GSK3B: variants seen among roughly 807,000 people sequenced by gnomAD.
GSK3B encodes the protein glycogen synthase kinase-3 beta.
A neutral mutation model predicts 56.4 loss-of-function variants in GSK3B; 15 were observed. That is an observed-to-expected ratio of 0.27 (90% CI 0.18 to 0.41). GSK3B has a LOEUF of 0.41. GSK3B is among the 10% of genes least tolerant of loss of function. The pLI is 1.00. For synonymous variants in GSK3B, 181 were observed against 188.9 expected (o/e 0.96, Z 0.34); for missense variants, 300 against 513.4 (o/e 0.58, Z 4.02).
At chr3:119,845,232 A>G (rs2055839067) in intron 9 of GSK3B, among the ~76,000 whole-genome samples, 1 of 152,250 alleles carries the variant, frequency 6.6e-6, no homozygotes, top group Non-Finnish European at 1.5e-5. Context: ...CAAAAGCTGG[A>G]AGCATTCGCT....
chr3:119,961,457 G>A (rs537488186), intron 2 of GSK3B, among the ~76,000 whole-genome samples: 11 of 151,910 alleles, frequency 7.2e-5, no homozygotes, highest in Admixed American at 2.6e-4. Context: ...GTGAAACTCC[G>A]TCTCTACTAA....
At chr3:120,013,028 A>T (rs1274163096) in intron 1 of GSK3B, among the ~76,000 whole-genome samples, 1 of 152,128 alleles carries the variant, frequency 6.6e-6, no homozygotes, top group Non-Finnish European at 1.5e-5. Context: ...GTTTAGGCAT[A>T]TCCCAAAATA....
At chr3:119,929,596 C>T (rs1468254933) in intron 3 of GSK3B, among the ~76,000 whole-genome samples, 1 of 150,900 alleles carries the variant, frequency 6.6e-6, no homozygotes, top group Non-Finnish European at 1.5e-5. Context: ...AGGGAGGCAC[C>T]ATTTCTACAA....
chr3:119,920,779 C>T (rs1576200289), intron 4 of GSK3B, among the ~76,000 whole-genome samples: 1 of 152,066 alleles, frequency 6.6e-6, no homozygotes, highest in South Asian at 2.1e-4. Flanking sequence ...AAGATTATTA[C>T]AGTTAAGTAA....
Position 119,826,846 on chromosome 3 carries a change from G to A in GSK3B, c.1205C>T (p.Thr402Ile), listed in dbSNP as rs1559797928. 6.2e-7 allele frequency: 1 copy of A among 1,608,086 alleles called. No homozygotes were observed. Among genetic ancestry groups the A allele is most frequent in the Non-Finnish European group, 8.5e-7 (1 of 1,174,796 alleles). Residue 402 changes from threonine (T) to isoleucine (I), a missense_variant, in exon 11 of 11, where the codon ACT becomes ATT. Coordinates refer to ENST00000264235, the MANE Select transcript of GSK3B (RefSeq NM_001146156.2). ...ATTATTGGTCTGTCCACGGTCTCCAGTATTAGCATCTGCAAGTCAAAAAGT... is the reference window on the plus strand; with the variant it reads ...ATTATTGGTCTGTCCACGGTCTCCAATATTAGCATCTGCAAGTCAAAAAGT... The part of the protein sequence containing the change: ...TNATAASDAN[T>I]GDRGQTNNAA...
At chr3:119,982,407 A>C (rs2057472282) in intron 2 of GSK3B, among the ~76,000 whole-genome samples, 1 of 152,232 alleles carries the variant, frequency 6.6e-6, no homozygotes, top group South Asian at 2.1e-4. Flanking sequence ...CGGTAATAAC[A>C]GACTTCTCCG....
intron 5 of GSK3B, among the ~76,000 whole-genome samples, chr3:119,913,660 C>CA (rs199773113): frequency 0.073 from 10,264 of 141,304 alleles, 545 homozygotes; most frequent in African/African-American, 0.16. Context: ...CAGTAAGTGC[C>CA]AAAAAAAAAA....
chr3:120,061,223 AT>A (rs1421605575), intron 1 of GSK3B, among the ~76,000 whole-genome samples: 5 of 152,266 alleles, frequency 3.3e-5, no homozygotes, highest in Non-Finnish European at 7.3e-5. Context: ...ATTTTATAAA[AT>A]CAGAGGACAT....
chr3:119,940,223 T>C (rs1252162931), intron 3 of GSK3B, among the ~76,000 whole-genome samples: 2 of 151,762 alleles, frequency 1.3e-5, no homozygotes, highest in Non-Finnish European at 2.9e-5. Flanking sequence ...TTACCCTCAT[T>C]TTAGCGATAA....
chr3:120,049,444 CAGA>C, intron 1 of GSK3B, among the ~76,000 whole-genome samples: 1 of 152,244 alleles, frequency 6.6e-6, no homozygotes, highest in East Asian at 1.9e-4. Context: ...TCTGGAATGT[CAGA>C]AGACTTCCTG....
At chr3:119,922,204 A>AGGAAGGAAGGAG (rs2056847586) in intron 4 of GSK3B, among the ~76,000 whole-genome samples, 1 of 121,056 alleles carries the variant, frequency 8.3e-6, no homozygotes, top group African/African-American at 3.4e-5. Flanking sequence ...TAGGTAGGGA[A>AGGAAGGAAGGAG]GGAGGGAAGG....
At chr3:120,012,527 C>T (rs943267075) in intron 1 of GSK3B, among the ~76,000 whole-genome samples, 2 of 152,144 alleles carry the variant, frequency 1.3e-5, no homozygotes, top group Non-Finnish European at 2.9e-5. Flanking sequence ...GTACAAATTC[C>T]CTACATAATT....
intron 10 of GSK3B, among the ~76,000 whole-genome samples, chr3:119,838,376 C>T (rs2055724934): frequency 6.6e-6 from 1 of 152,060 alleles, no homozygotes. Flanking sequence ...CCATGATTAA[C>T]AATAATGTCT....
intron 2 of GSK3B, among the ~76,000 whole-genome samples, chr3:119,973,608 A>G (rs2057386921): frequency 6.6e-6 from 1 of 152,152 alleles, no homozygotes; most frequent in Non-Finnish European, 1.5e-5. Context: ...ACATCATCAC[A>G]AGAAGAAGGG....
At chr3:120,067,250 A>G (rs1318086110) in intron 1 of GSK3B, among the ~76,000 whole-genome samples, 1 of 152,056 alleles carries the variant, frequency 6.6e-6, no homozygotes, top group East Asian at 1.9e-4. Context: ...AAAAAAAAAA[A>G]AAGAGAGGTA....
intron 2 of GSK3B, among the ~76,000 whole-genome samples, chr3:119,966,720 T>TA (rs1406262153): frequency 6.6e-6 from 1 of 152,204 alleles, no homozygotes; most frequent in East Asian, 1.9e-4. Flanking sequence ...CCTATCTAGA[T>TA]AGATTTTTTA....
chr3:119,874,217 T>G lies in GSK3B; in HGVS notation c.909+2196A>C, dbSNP rs115230267. Among the ~76,000 whole-genome samples the G allele has an allele frequency of 6.8e-3, 1,037 of 152,138 alleles. 3 individuals are homozygous for G. Among genetic ancestry groups the G allele is most frequent in the Non-Finnish European group, 0.011 (738 of 67,960 alleles). ...GACACACACTAAATACAGTGTCCCCTCCCTTTTATCTACAGGGGATATGTC... is the reference window on the plus strand; with the variant it reads ...GACACACACTAAATACAGTGTCCCCGCCCTTTTATCTACAGGGGATATGTC... On this transcript the variant is annotated intron_variant, in intron 8 of 10. Transcript: ENST00000264235.
At chr3:119,927,779 A>G (rs2056902209) in intron 3 of GSK3B, among the ~76,000 whole-genome samples, 1 of 152,186 alleles carries the variant, frequency 6.6e-6, no homozygotes, top group Non-Finnish European at 1.5e-5. Context: ...GAGAGTAAGG[A>G]AAGGACTGAG....
intron 5 of GSK3B, among the ~76,000 whole-genome samples, chr3:119,914,239 G>T (rs1318895805): frequency 6.6e-6 from 1 of 151,846 alleles, no homozygotes; most frequent in African/African-American, 2.4e-5. Context: ...ATAGTATTTT[G>T]TTCAAATTAC....
Sources: allele counts gnomAD v4.1 joint callset (sites outside exome capture counted in the v4.1 genomes callset), GRCh38; gene constraint gnomAD v4.1.1; transcripts MANE v1.5; gene names NCBI Gene and HGNC (gene_info 2026-07-23, HGNC 2026-07-21).